The following NUP205 variants were observed in gnomAD, a reference collection of about 807,000 sequenced individuals.
The protein encoded by NUP205 is nucleoporin 205.
A neutral mutation model predicts 253.8 loss-of-function variants in NUP205; 76 were observed. The observed-to-expected ratio is 0.30, with a 90% CI of 0.25 to 0.36. The LOEUF (loss-of-function observed/expected upper bound fraction) is 0.36. Among genes scored for constraint, NUP205 ranks in the 10% least tolerant of loss-of-function variants. The probability of loss-of-function intolerance (pLI) is 1.00; values close to 1 mark genes in which losing one functional copy is unlikely to be tolerated. For synonymous variants in NUP205, 832 were observed against 850.1 expected, an observed-to-expected ratio of 0.98 and a Z score of 0.37; for missense variants, 2,162 against 2,425.5, an observed-to-expected ratio of 0.89 and a Z score of 2.28.
In NUP205 at chr7:135,618,612, C is replaced by A; in HGVS notation, c.3963+9C>A. The A allele has an allele frequency of 6.4e-7, 1 of 1,570,660 alleles. No homozygotes were observed. The highest frequency in any genetic ancestry group is 1.2e-5 in the South Asian group (1 of 83,580). ...AAGATGTGCATGATAAGGTGACGTA[C>A]TTCCTAAAATACTTTATACTGCTGA... On this transcript the variant is annotated intron_variant, in intron 28 of 42. Transcript: ENST00000285968.
intron 18 of NUP205, among the ~76,000 whole-genome samples, chr7:135,604,020 A>T (rs1053628919): frequency 6.6e-6 from 1 of 151,968 alleles, no homozygotes; most frequent in African/African-American, 2.4e-5. Flanking sequence ...GTCTGAATTT[A>T]CCCTTTTTAT....
At chr7:135,572,907 G>A (rs1379256229) in intron 2 of NUP205, among the ~76,000 whole-genome samples, 1 of 150,742 alleles carries the variant, frequency 6.6e-6, no homozygotes, top group African/African-American at 2.4e-5. Flanking sequence ...CTATTTATAG[G>A]ATTGTGTTAC....
intron 40 of NUP205, 35 bp from the exon 41 acceptor site, chr7:135,645,433 G>A: frequency 6.3e-7 from 1 of 1,594,320 alleles, no homozygotes; most frequent in Non-Finnish European, 8.6e-7. Flanking sequence ...CATATTTGAT[G>A]AGATTATGTT....
intron 10 of NUP205, 31 bp from the exon 11 acceptor site, chr7:135,591,419 T>C (rs1430648418): frequency 2.5e-6 from 4 of 1,603,962 alleles, no homozygotes; most frequent in Admixed American, 1.7e-5. Flanking sequence ...AGATATACAT[T>C]ATATAAACCA....
intron 1 of NUP205, among the ~76,000 whole-genome samples, chr7:135,568,457 G>A (rs532395658): frequency 1.3e-5 from 2 of 151,544 alleles, no homozygotes; most frequent in South Asian, 2.1e-4. Flanking sequence ...CTGGCCTCCC[G>A]AGTACCTGGG....
chr7:135,645,850 C>A, intron 41 of NUP205: 1 of 574,644 alleles, frequency 1.7e-6, no homozygotes, highest in Non-Finnish European at 3.1e-6. Context: ...GGGGGCTGAT[C>A]CAGCTCTAGA....
chr7:135,561,261 T>C (rs138495275), intron 1 of NUP205, among the ~76,000 whole-genome samples: 447 of 152,222 alleles, frequency 2.9e-3, no homozygotes, highest in African/African-American at 0.01. Flanking sequence ...GGAGAATTGC[T>C]TGAACCCAGG....
At chr7:135,604,616 G>A (rs931865150) in intron 19 of NUP205, among the ~76,000 whole-genome samples, 156 bp downstream of exon 19, 2 of 152,170 alleles carry the variant, frequency 1.3e-5, no homozygotes, top group African/African-American at 2.4e-5. Context: ...ACCTACCCAC[G>A]AACTTGGCTA....
intron 38 of NUP205, 105 bp from the exon 39 acceptor site, chr7:135,643,087 C>T (rs1400467068): frequency 1.3e-5 from 14 of 1,070,514 alleles, no homozygotes; most frequent in African/African-American, 4.7e-5. Flanking sequence ...TGACAGGTTA[C>T]ATGTCCTTAA....
intron 2 of NUP205, among the ~76,000 whole-genome samples, chr7:135,571,847 C>T (rs1313741404): frequency 2.0e-5 from 3 of 152,124 alleles, no homozygotes; most frequent in Non-Finnish European, 4.4e-5. Context: ...CTGTCTCACT[C>T]CAGTGATTCA....
chr7:135,627,172 C>T (rs954494184), intron 33 of NUP205, among the ~76,000 whole-genome samples: 3 of 152,072 alleles, frequency 2.0e-5, no homozygotes, highest in Non-Finnish European at 2.9e-5. Context: ...ATTCTGCTTT[C>T]GTTCCCCCTC....
chr7:135,640,063 TA>T (rs777758181), intron 38 of NUP205, among the ~76,000 whole-genome samples: 7 of 152,030 alleles, frequency 4.6e-5, no homozygotes, highest in African/African-American at 1.7e-4. Flanking sequence ...TGTCAGGGGA[TA>T]GGGGGCAAGG....
At chr7:135,560,070 G>C (rs1021791161) in intron 1 of NUP205, among the ~76,000 whole-genome samples, 1 of 152,114 alleles carries the variant, frequency 6.6e-6, no homozygotes, top group Non-Finnish European at 1.5e-5. Context: ...ATATTGGCCA[G>C]GCTGGTCTCG....
intron 2 of NUP205, among the ~76,000 whole-genome samples, chr7:135,572,310 C>A (rs1806018454): frequency 6.6e-6 from 1 of 152,082 alleles, no homozygotes; most frequent in South Asian, 2.1e-4. Flanking sequence ...CTTAGAATTT[C>A]TGACCTCTAG....
intron 23 of NUP205, among the ~76,000 whole-genome samples, chr7:135,614,953 A>C (rs1794323885): frequency 6.6e-6 from 1 of 152,322 alleles, no homozygotes; most frequent in East Asian, 1.9e-4. Flanking sequence ...AATTGTCAGC[A>C]TCTAATTTAC....
intron 34 of NUP205, among the ~76,000 whole-genome samples, chr7:135,629,491 C>G (rs1016928519): frequency 1.4e-5 from 2 of 143,426 alleles, no homozygotes; most frequent in African/African-American, 5.2e-5. Context: ...CTCTCTCTCT[C>G]TCTCTCTCTC....
At chr7:135,581,561 A>T (rs1414191263) in intron 7 of NUP205, among the ~76,000 whole-genome samples, 2 of 151,258 alleles carry the variant, frequency 1.3e-5, no homozygotes, top group African/African-American at 2.4e-5. Context: ...AATTAAAAAA[A>T]CAAGCATCGG....
At chr7:135,604,612 C>A (rs1794047213) in intron 19 of NUP205, 152 bp downstream of exon 19, 2 of 694,006 alleles carry the variant, frequency 2.9e-6, no homozygotes, top group Non-Finnish European at 4.6e-6. Context: ...GAAAACCTAC[C>A]CACGAACTTG....
chr7:135,643,670 T>A (rs938332979), intron 39 of NUP205, among the ~76,000 whole-genome samples: 2 of 151,566 alleles, frequency 1.3e-5, no homozygotes, highest in African/African-American at 4.8e-5. Context: ...ATTTTTTTTT[T>A]AATAGAACTT....
Sources: gnomAD v4.1 joint callset for allele counts (sites outside exome capture counted in the v4.1 genomes callset) on GRCh38, gnomAD v4.1.1 for gene constraint, MANE v1.5 for transcripts, NCBI Gene and HGNC (gene_info 2026-07-23, HGNC 2026-07-21) for gene names.